Variants in ACOT7 observed in about 807,000 individuals in gnomAD.
ACOT7 encodes the protein acyl-CoA thioesterase 7, also known as cytosolic acyl coenzyme A thioester hydrolase.
Under a neutral mutation model 40.2 loss-of-function variants are expected in ACOT7, and 12 were observed. The observed-to-expected ratio is 0.30, with a 90% CI of 0.19 to 0.48. ACOT7 has a LOEUF of 0.48. Among genes scored for constraint, ACOT7 ranks in the 20% least tolerant of loss-of-function variants. ACOT7 has a pLI of 0.99. For missense variants in ACOT7, 395 were observed against 530.8 expected (o/e 0.74, Z 2.51); for synonymous variants, 228 against 219.5 (o/e 1.04, Z -0.34).
intron 7 of ACOT7, among the ~76,000 whole-genome samples, chr1:6,293,025 G>A (rs1319440019): frequency 6.6e-6 from 1 of 151,844 alleles, no homozygotes; most frequent in Admixed American, 6.6e-5. Context: ...GAGTAGCTGG[G>A]ACTACAGGCA....
intron 1 of ACOT7, among the ~76,000 whole-genome samples, chr1:6,371,019 C>A (rs2148473532): frequency 2.0e-5 from 3 of 152,210 alleles, no homozygotes; most frequent in Middle Eastern, 3.4e-3. Flanking sequence ...CCATCTTGGC[C>A]AGGCTGGTCT....
In ACOT7 at chr1:6,301,088, G is replaced by A. The variant is rs910602157; in HGVS notation, c.713-6108C>T. Among the ~76,000 whole-genome samples, 8 of 152,234 alleles carry A rather than the reference G, an allele frequency of 5.3e-5. No individual in the cohort carries two copies. The highest frequency in any genetic ancestry group is 1.2e-4 in the Non-Finnish European group (8 of 68,044). On this transcript the variant is annotated intron_variant, in intron 6 of 8. Transcript: ENST00000361521. This position sits in a 1 kb window ranked among gnomAD's most constrained non-coding sequence, Gnocchi z 4.1. ...ATGATTGCAGGAAGGAGCGTTCAAA[G>A]TCACAGACCCAGAGTGTCCAGTGCT...
intron 3 of ACOT7, 130 bp downstream of exon 3, chr1:6,339,303 T>C: frequency 7.8e-7 from 1 of 1,289,444 alleles, no homozygotes; most frequent in South Asian, 1.3e-5. Flanking sequence ...AGGGCCATGG[T>C]GGGAGGTGAG....
chr1:6,354,685 C>T (rs1258537807), intron 1 of ACOT7, among the ~76,000 whole-genome samples: 1 of 105,344 alleles, frequency 9.5e-6, no homozygotes. Context: ...GGCCTCTAGC[C>T]CCCCCATGGC....
intron 1 of ACOT7, among the ~76,000 whole-genome samples, chr1:6,379,886 C>T (rs901027395): frequency 2.6e-5 from 4 of 151,432 alleles, no homozygotes; most frequent in African/African-American, 9.7e-5. Flanking sequence ...CGTGTTGAAA[C>T]TCTGTCTCTG....
intron 1 of ACOT7, among the ~76,000 whole-genome samples, chr1:6,369,239 C>G (rs1642079619): frequency 6.6e-6 from 1 of 152,060 alleles, no homozygotes; most frequent in Non-Finnish European, 1.5e-5. Context: ...CTTTGACCTC[C>G]CAAAGTGTTG....
chr1:6,329,610 G>A (rs983597394), intron 4 of ACOT7, among the ~76,000 whole-genome samples: 1 of 152,002 alleles, frequency 6.6e-6, no homozygotes, highest in Admixed American at 6.6e-5. Context: ...CACAAGCCAT[G>A]AGGAGAAGCC....
In ACOT7 at chr1:6,353,199, G is replaced by A. The variant is rs1039840696; in HGVS notation, c.144-3333C>T. On this transcript the variant is annotated intron_variant, in intron 1 of 8. Transcript: ENST00000361521. ...TAAAAAACTGAAATACAGGCTGGGC[G>A]CAGTGGCTACTAGGGAGGCTGAGGT... Among the ~76,000 whole-genome samples the A allele has an allele frequency of 7.2e-5, 11 of 152,140 alleles. No individual in the cohort carries two copies. The South Asian group carries it at 1.5e-3, about 20-fold the overall frequency.
rs1639902293 is a variant in ACOT7, at chr1:6,299,444, G to A, written c.713-4464C>T. On this transcript the variant is annotated intron_variant, in intron 6 of 8. Transcript: ENST00000361521. The surrounding 1 kb of genome is among the most constrained non-coding windows in gnomAD (Gnocchi z 4.1). ...ACACACTTGGCTCAGGTGGGCAAAG[G>A]AGGGATCCAGAGGACAGTTGGCCTC... Among the ~76,000 whole-genome samples, 1 of 152,214 alleles carries A rather than the reference G, an allele frequency of 6.6e-6. No individual in the cohort carries two copies. The highest frequency in any genetic ancestry group is 2.1e-4 in the South Asian group (1 of 4,830).
At chr1:6,321,811 T>C (rs901915634) in intron 5 of ACOT7, among the ~76,000 whole-genome samples, 3 of 152,146 alleles carry the variant, frequency 2.0e-5, no homozygotes, top group Admixed American at 1.3e-4. Context: ...CAAGGCTGAG[T>C]CTTAATGGGC....
intron 2 of ACOT7, among the ~76,000 whole-genome samples, chr1:6,339,873 A>G (rs6681084): frequency 0.39 from 54,154 of 139,252 alleles, 14,342 homozygotes; most frequent in African/African-American, 0.77. Context: ...CCGAGTAGCT[A>G]GGACTACAGG....
Position 6,294,802 on chromosome 1 carries a change from G to C in ACOT7, c.829+62C>G. 7.3e-7 allele frequency: 1 copy of C among 1,379,090 alleles called. No homozygotes were observed. Among genetic ancestry groups the C allele is most frequent in the Non-Finnish European group, 1.0e-6 (1 of 972,918 alleles). The allele number at this position is 1,379,090 out of a possible 1,614,324, so 85.4% of individuals were successfully genotyped here. A position where few individuals can be genotyped will look rare whatever the true frequency, so the allele number is the denominator to read the frequency against. ...CTGGGTGTGAACAGAAAACAAACTGGTGCAGGGACCCAAGCAGCCGAGGGC... is the reference window on the plus strand; with the variant it reads ...CTGGGTGTGAACAGAAAACAAACTGCTGCAGGGACCCAAGCAGCCGAGGGC... On this transcript the variant is annotated intron_variant, in intron 7 of 8. Transcript: ENST00000361521. This position sits in a 1 kb window ranked among gnomAD's most constrained non-coding sequence, Gnocchi z 4.6.
At chr1:6,349,691 C>T in intron 2 of ACOT7, 58 bp downstream of exon 2, 1 of 1,536,606 alleles carries the variant, frequency 6.5e-7, no homozygotes, top group Admixed American at 1.9e-5. Flanking sequence ...GAACTCCTGT[C>T]CTGAACTCAC....
chr1:6,324,001 C>T (rs1010343042), intron 5 of ACOT7, among the ~76,000 whole-genome samples: 6 of 151,906 alleles, frequency 3.9e-5, no homozygotes, highest in Admixed American at 3.3e-4. Flanking sequence ...GATGGGATAG[C>T]ACGTGTCACA....
chr1:6,347,690 C>G (rs913741945), intron 2 of ACOT7, among the ~76,000 whole-genome samples: 7 of 151,932 alleles, frequency 4.6e-5, no homozygotes, highest in Non-Finnish European at 8.8e-5. Flanking sequence ...TCGCTTGAAC[C>G]TGGGAGGCAG....
At chr1:6,375,634 T>A (rs933855764) in intron 1 of ACOT7, among the ~76,000 whole-genome samples, 1 of 151,760 alleles carries the variant, frequency 6.6e-6, no homozygotes, top group Admixed American at 6.6e-5. Flanking sequence ...GGAGACCCTG[T>A]CTCTACAAAA....
At chr1:6,354,835 TCCCCCCATGGCCTCTGCACTGCCCCTCA>T (rs1340834689) in intron 1 of ACOT7, among the ~76,000 whole-genome samples, 8 of 76,358 alleles carry the variant, frequency 1.0e-4, no homozygotes, top group Non-Finnish European at 2.0e-4. Flanking sequence ...GGCCTCTTGT[TCCCCCCATGGCCTCTGCACTGCCCCTCA>T]CCCCCCATGG....
chr1:6,265,689 C>T (rs890075586), intron 8 of ACOT7, among the ~76,000 whole-genome samples: 34 of 152,190 alleles, frequency 2.2e-4, no homozygotes, highest in African/African-American at 7.7e-4. Flanking sequence ...TCTGTCCCAA[C>T]GCCATGTTCT....
At position 6,365,859 on chromosome 1, in the gene ACOT7, C is replaced by T. The variant is rs185689690; in HGVS notation, c.144-15993G>A. Among the ~76,000 whole-genome samples the T allele has an allele frequency of 4.0e-5, 6 of 151,234 alleles. No individual in the cohort carries two copies. The East Asian group carries it at 9.7e-4, about 24-fold the overall frequency. On this transcript the variant is annotated intron_variant, in intron 1 of 8. Coordinates refer to ENST00000361521, the MANE Select transcript of ACOT7 (RefSeq NM_007274.4). Reference sequence around the variant, plus strand: ...TCTTTTTGCTGGCAGAGTCTTGCCTCGATGTTGATGGCTGCAGACTGATTC... The same window carrying T: ...TCTTTTTGCTGGCAGAGTCTTGCCTTGATGTTGATGGCTGCAGACTGATTC...
Sources: gnomAD v4.1 joint callset for allele counts (sites outside exome capture counted in the v4.1 genomes callset) on GRCh38, gnomAD v4.1.1 for gene constraint, Gnocchi (gnomAD v3.1) non-coding constraint, MANE v1.5 for transcripts, NCBI Gene and HGNC (gene_info 2026-07-23, HGNC 2026-07-21) for gene names.